CDH13: variants seen among roughly 807,000 people sequenced by gnomAD.
CDH13 encodes cadherin-13.
CDH13 carries 24 observed loss-of-function variants against 63.8 expected under a neutral mutation model. That is an observed-to-expected ratio of 0.38 (90% CI 0.27 to 0.53). CDH13 has a LOEUF of 0.53. Among genes scored for constraint, CDH13 ranks in the 20% least tolerant of loss-of-function variants. The probability of loss-of-function intolerance (pLI) is 0.85; values close to 1 mark genes in which losing one functional copy is unlikely to be tolerated. For missense variants in CDH13, 1,049 were observed against 903.1 expected (o/e 1.16, Z -2.07); for synonymous variants, 503 against 355.3 (o/e 1.42, Z -4.67).
chr16:82,945,233 A>C (rs1034645021), intron 2 of CDH13, among the ~76,000 whole-genome samples: 1 of 152,194 alleles, frequency 6.6e-6, no homozygotes, highest in South Asian at 2.1e-4. Flanking sequence ...CAGTCACTCA[A>C]CTGTGCCCGT....
rs1362963315 is a variant in CDH13, at chr16:83,004,177, T to A, written c.158-27833T>A. Among the ~76,000 whole-genome samples, 2 of 152,186 alleles carry A rather than the reference T, an allele frequency of 1.3e-5. 1 individual carries two copies. Among genetic ancestry groups the A allele is most frequent in the Admixed American group, 1.3e-4 (2 of 15,282 alleles). On this transcript the variant is annotated intron_variant, in intron 2 of 13. Transcript: ENST00000567109. Reference sequence around the variant, plus strand: ...CAGCCCCAGGCCAGCTGAATCCCATTCCTTATACCGTGAGTATCTGTGTTC... The same window carrying A: ...CAGCCCCAGGCCAGCTGAATCCCATACCTTATACCGTGAGTATCTGTGTTC...
chr16:83,626,723 C>T (rs569727303), intron 8 of CDH13, among the ~76,000 whole-genome samples: 53 of 152,238 alleles, frequency 3.5e-4, no homozygotes, highest in South Asian at 2.1e-4. Context: ...CAAAATAAAT[C>T]CTGCTGGAAG....
chr16:83,000,225 T>A (rs1192106485), intron 2 of CDH13, among the ~76,000 whole-genome samples: 1 of 49,142 alleles, frequency 2.0e-5, no homozygotes, highest in Non-Finnish European at 3.9e-5. Context: ...TTTAGCTTAT[T>A]TTTTTTTTTT....
chr16:83,602,115 A>C (rs1318784027), intron 7 of CDH13, among the ~76,000 whole-genome samples: 9 of 68,630 alleles, frequency 1.3e-4, no homozygotes, highest in African/African-American at 4.0e-4. Flanking sequence ...AACAAAAAAA[A>C]AAAAAAAAAA....
chr16:83,384,156 T>C (rs2091625988), intron 6 of CDH13, among the ~76,000 whole-genome samples: 1 of 152,216 alleles, frequency 6.6e-6, no homozygotes, highest in African/African-American at 2.4e-5. Context: ...CTAAGGGTTT[T>C]TCTAGCCCTC....
intron 5 of CDH13, among the ~76,000 whole-genome samples, chr16:83,293,567 G>A (rs1050373292): frequency 3.9e-5 from 6 of 151,982 alleles, no homozygotes; most frequent in African/African-American, 7.3e-5. Context: ...TATATTCAGA[G>A]GTTATTTCTA....
chr16:82,822,473 T>TA (rs2038047599), intron 1 of CDH13, among the ~76,000 whole-genome samples: 1 of 152,236 alleles, frequency 6.6e-6, no homozygotes, highest in African/African-American at 2.4e-5. Context: ...AATCATTTTT[T>TA]TAAAAAAATA....
chr16:83,038,025 G>A (rs1917018425), intron 3 of CDH13, among the ~76,000 whole-genome samples: 2 of 152,170 alleles, frequency 1.3e-5, no homozygotes, highest in South Asian at 2.1e-4. Flanking sequence ...GGAACAGGAA[G>A]AGAAAGTAAA....
intron 2 of CDH13, among the ~76,000 whole-genome samples, chr16:82,882,525 C>T (rs139247378): frequency 6.6e-5 from 10 of 152,210 alleles, no homozygotes; most frequent in South Asian, 2.1e-4. Flanking sequence ...GGGTAGGGCT[C>T]GATGATCAGA....
At chr16:83,428,130 G>C (rs75561111) in intron 6 of CDH13, among the ~76,000 whole-genome samples, 2,447 of 152,278 alleles carry the variant, frequency 0.016, 71 homozygotes, top group African/African-American at 0.056. Context: ...AGCAGCATTT[G>C]AATAGGGGGA....
At chr16:83,006,920 G>GT (rs1388258642) in intron 2 of CDH13, among the ~76,000 whole-genome samples, 7 of 125,706 alleles carry the variant, frequency 5.6e-5, no homozygotes, top group African/African-American at 2.1e-4. Flanking sequence ...TTGTTTGTTT[G>GT]TTTGTTTGTT....
intron 1 of CDH13, among the ~76,000 whole-genome samples, chr16:82,734,933 C>T (rs1415321682): frequency 6.6e-6 from 1 of 152,090 alleles, no homozygotes; most frequent in Non-Finnish European, 1.5e-5. Flanking sequence ...ATCTTGGGGG[C>T]ACATCACAAT....
chr16:83,466,763 A>G (rs2073327475), intron 6 of CDH13, among the ~76,000 whole-genome samples: 1 of 152,234 alleles, frequency 6.6e-6, no homozygotes. Flanking sequence ...TCCCAAGGGT[A>G]TGCTTAAGTC....
chr16:83,561,969 A>G (rs1211445135), intron 7 of CDH13, among the ~76,000 whole-genome samples: 2 of 152,194 alleles, frequency 1.3e-5, no homozygotes, highest in Non-Finnish European at 1.5e-5. Flanking sequence ...ATTGGAATCC[A>G]GTGGAGCGAT....
chr16:83,486,064 A>G (rs1056021127), intron 6 of CDH13, among the ~76,000 whole-genome samples: 1 of 152,066 alleles, frequency 6.6e-6, no homozygotes, highest in African/African-American at 2.4e-5. Flanking sequence ...AATCACTTGA[A>G]CCTGGGAGGC....
chr16:82,687,384 C>G (rs1472909705), intron 1 of CDH13, among the ~76,000 whole-genome samples: 2 of 152,080 alleles, frequency 1.3e-5, no homozygotes, highest in Non-Finnish European at 2.9e-5. Flanking sequence ...TTAGTCGGTT[C>G]TCAAGCTGCT....
At chr16:83,059,789 G>GTT (rs1256608391) in intron 3 of CDH13, among the ~76,000 whole-genome samples, 1,839 of 98,406 alleles carry the variant, frequency 0.019, 57 homozygotes, top group African/African-American at 0.064. Context: ...TTTTTTTTTT[G>GTT]TTTGTTTTTT....
intron 6 of CDH13, among the ~76,000 whole-genome samples, chr16:83,384,030 G>A (rs575424379): frequency 7.9e-5 from 12 of 152,210 alleles, no homozygotes; most frequent in Admixed American, 2.6e-4. Context: ...ACATCTATAT[G>A]TACTCATTTA....
At chr16:83,569,090 C>G (rs1229196507) in intron 7 of CDH13, among the ~76,000 whole-genome samples, 4 of 152,112 alleles carry the variant, frequency 2.6e-5, no homozygotes, top group Non-Finnish European at 5.9e-5. Flanking sequence ...TCTGAACACC[C>G]TAGATTCCTG....
Sources: allele counts gnomAD v4.1 joint callset (sites outside exome capture counted in the v4.1 genomes callset), GRCh38; gene constraint gnomAD v4.1.1; transcripts MANE v1.5; gene names NCBI Gene and HGNC (gene_info 2026-07-23, HGNC 2026-07-21).